Variants in ITSN1 observed in about 807,000 individuals in gnomAD.
ITSN1 encodes intersectin-1.
Under a neutral mutation model 239.8 loss-of-function variants are expected in ITSN1, and 58 were observed. That is an observed-to-expected ratio of 0.24 (90% CI 0.20 to 0.30). The LOEUF is 0.30. Among genes scored for constraint, ITSN1 ranks in the 10% least tolerant of loss-of-function variants. ITSN1 has a pLI of 1.00. For synonymous variants in ITSN1, 780 were observed against 770.8 expected, an observed-to-expected ratio of 1.01 and a Z score of -0.20; for missense variants, 1,558 against 2,103.3, an observed-to-expected ratio of 0.74 and a Z score of 5.07.
At chr21:33,704,797 A>C (rs376549313) in intron 1 of ITSN1, among the ~76,000 whole-genome samples, 5 of 152,028 alleles carry the variant, frequency 3.3e-5, no homozygotes, top group African/African-American at 1.2e-4. Context: ...TCAGTTGTAA[A>C]GACAATCTTG....
rs1232717033 is a variant in ITSN1 at position 33,713,896 on chromosome 21, G to A, written c.-32-4901G>A. The stretch of plus-strand genomic sequence containing the variant: ...GTCACCCAAGCTGGAGTGCAGTGGC[G>A]CTATCTCGGCTCACTGCAACCTCCG... On this transcript the variant is annotated intron_variant, in intron 1 of 39. Coordinates refer to ENST00000381318, the MANE Select transcript of ITSN1 (RefSeq NM_003024.3). Among the ~76,000 whole-genome samples, 4 of 139,100 alleles carry A rather than the reference G, an allele frequency of 2.9e-5. No individual in the cohort carries two copies. In the East Asian group the frequency reaches 6.8e-4, roughly 24 times the overall value. 91.3% of individuals were successfully genotyped at this position (139,100 alleles called of 152,430 possible). A position where few individuals can be genotyped will look rare whatever the true frequency, so the allele number is the denominator to read the frequency against.
intron 12 of ITSN1, 142 bp downstream of exon 12, chr21:33,772,465 C>G: frequency 9.7e-7 from 1 of 1,034,374 alleles, no homozygotes; most frequent in Non-Finnish European, 1.4e-6. Context: ...CAACCATCGT[C>G]CCTAATTCCA....
intron 1 of ITSN1, among the ~76,000 whole-genome samples, chr21:33,667,596 T>C (rs1418423993): frequency 6.6e-6 from 1 of 152,198 alleles, no homozygotes; most frequent in Non-Finnish European, 1.5e-5. Context: ...ATTAAATCTA[T>C]AGTTTTGAAC....
chr21:33,834,078 G>A (rs1265978884), intron 27 of ITSN1, among the ~76,000 whole-genome samples: 2 of 152,194 alleles, frequency 1.3e-5, no homozygotes, highest in Non-Finnish European at 2.9e-5. Flanking sequence ...GATCCACACA[G>A]TCTAGCCGAA....
At chr21:33,887,473 AT>A (rs1485576628) in intron 39 of ITSN1, among the ~76,000 whole-genome samples, 2 of 152,134 alleles carry the variant, frequency 1.3e-5, no homozygotes, top group Non-Finnish European at 2.9e-5. Context: ...GAATTATCTC[AT>A]TGTGAGTTAG....
intron 19 of ITSN1, 68 bp from the exon 20 acceptor site, chr21:33,802,362 G>T (rs1376323103): frequency 6.8e-7 from 1 of 1,479,318 alleles, no homozygotes; most frequent in Non-Finnish European, 9.4e-7. Flanking sequence ...TAGATATGCT[G>T]TAAGAATAAA....
At chr21:33,878,587 C>T (rs2148545262) in intron 34 of ITSN1, among the ~76,000 whole-genome samples, 1 of 152,334 alleles carries the variant, frequency 6.6e-6, no homozygotes, top group African/African-American at 2.4e-5. Flanking sequence ...AAGGCCATCA[C>T]CACCTGAGGG....
intron 1 of ITSN1, among the ~76,000 whole-genome samples, chr21:33,697,919 T>A (rs2091867094): frequency 6.6e-6 from 1 of 152,220 alleles, no homozygotes. Flanking sequence ...TAATAACTTT[T>A]CAGATGTTAC....
intron 24 of ITSN1, among the ~76,000 whole-genome samples, chr21:33,820,102 T>C (rs1454889408): frequency 6.6e-6 from 1 of 152,064 alleles, no homozygotes; most frequent in Non-Finnish European, 1.5e-5. Context: ...ATTTCTGTGC[T>C]CCATGAAAAC....
intron 1 of ITSN1, among the ~76,000 whole-genome samples, chr21:33,676,579 G>A (rs1450341644): frequency 6.6e-6 from 1 of 152,180 alleles, no homozygotes; most frequent in African/African-American, 2.4e-5. Flanking sequence ...CAAACTGTCT[G>A]TAGTTTGTTT....
intron 30 of ITSN1, 68 bp downstream of exon 30, chr21:33,856,925 C>A: frequency 6.8e-7 from 1 of 1,470,876 alleles, no homozygotes; most frequent in Non-Finnish European, 9.5e-7. Context: ...AGGGTTCCGT[C>A]AAGGAGGTCT....
intron 1 of ITSN1, among the ~76,000 whole-genome samples, chr21:33,675,377 C>T (rs1241329386): frequency 1.3e-5 from 2 of 151,964 alleles, no homozygotes; most frequent in Non-Finnish European, 2.9e-5. Flanking sequence ...TCCTAGCCAA[C>T]ACGGTGAAAC....
chr21:33,819,810 G>A (rs971505520), intron 24 of ITSN1, among the ~76,000 whole-genome samples: 1 of 151,718 alleles, frequency 6.6e-6, no homozygotes, highest in Non-Finnish European at 1.5e-5. Context: ...GTGAAACCCC[G>A]TCTCTACTAA....
chr21:33,730,142 T>C (rs1225077441), intron 4 of ITSN1, among the ~76,000 whole-genome samples: 1 of 151,978 alleles, frequency 6.6e-6, no homozygotes, highest in Admixed American at 6.6e-5. Flanking sequence ...ATTTTATTAT[T>C]TAAATACATA....
intron 1 of ITSN1, among the ~76,000 whole-genome samples, chr21:33,677,461 TCCCGAGTA>T (rs1276115756): frequency 6.6e-6 from 1 of 151,780 alleles, no homozygotes; most frequent in Non-Finnish European, 1.5e-5. Flanking sequence ...TGCCTCAACC[TCCCGAGTA>T]CCTGGGATTA....
chr21:33,731,121 A>G (rs1328194476), intron 4 of ITSN1, among the ~76,000 whole-genome samples: 1 of 152,366 alleles, frequency 6.6e-6, no homozygotes, highest in East Asian at 1.9e-4. Context: ...GGATTGTCGT[A>G]TGTGGTTTAA....
chr21:33,896,824 T>C lies in ITSN1; in HGVS notation c.*8524T>C, dbSNP rs1986810727. ...AAGTAGGTCCCCATCTCCATATACA[T>C]TGAGCAATAATCCTCACTATGTTTC... On this transcript the variant is annotated 3_prime_UTR_variant, in exon 40 of 40. Coordinates refer to ENST00000381318, the MANE Select transcript of ITSN1 (RefSeq NM_003024.3). 1 of 152,254 alleles carries C rather than the reference T, an allele frequency of 6.6e-6. No individual in the cohort carries two copies. Among genetic ancestry groups the C allele is most frequent in the Non-Finnish European group, 1.5e-5 (1 of 68,044 alleles). 9.4% of individuals were successfully genotyped at this position (152,254 alleles called of 1,614,324 possible).
chr21:33,817,494 G>A (rs1307820057), intron 22 of ITSN1: 6 of 1,304,350 alleles, frequency 4.6e-6, no homozygotes, highest in Non-Finnish European at 6.1e-6. Flanking sequence ...TTCCTGCAGT[G>A]AATAGTAGGA....
rs749660005 is a variant in ITSN1, at chr21:33,898,708, G to C, written c.*10408G>C. The C allele has an allele frequency of 6.6e-6, 1 of 152,246 alleles. No homozygotes were observed. The highest frequency in any genetic ancestry group is 1.5e-5 in the Non-Finnish European group (1 of 68,062). 9.4% of individuals were successfully genotyped at this position (152,246 alleles called of 1,614,324 possible). ...ACCGCTGGTGGAAGGTTGAGGGCCT[G>C]TGGTCTGAAAAGACATCTGAAGAAT... is the stretch of plus-strand genomic sequence containing the variant. On this transcript the variant is annotated 3_prime_UTR_variant, in exon 40 of 40. Transcript: ENST00000381318.
Sources: allele counts gnomAD v4.1 joint callset (sites outside exome capture counted in the v4.1 genomes callset), GRCh38; gene constraint gnomAD v4.1.1; transcripts MANE v1.5; gene names NCBI Gene and HGNC (gene_info 2026-07-23, HGNC 2026-07-21).